The following VWF variants were observed in gnomAD, a reference collection of about 807,000 sequenced individuals.
The protein encoded by VWF is Factor VIII related antigen.
A neutral mutation model predicts 308.6 loss-of-function variants in VWF; 176 were observed. The ratio of observed to expected loss-of-function variants is 0.57; its 90% CI spans 0.50 to 0.65. The LOEUF is 0.65. Ranked by LOEUF, VWF falls within the 30% of genes least tolerant of loss-of-function variation. VWF has a pLI of 0.00. For missense variants in VWF, 3,146 were observed against 3,648.2 expected (o/e 0.86, Z 3.55); for synonymous variants, 1,385 against 1,443.4 (o/e 0.96, Z 0.92).
chr12:6,092,618 A>AGTGTGTGTGTGT lies in VWF; in HGVS notation c.657+2830_657+2841dup, dbSNP rs752209524. 1.6e-3 allele frequency among the ~76,000 whole-genome samples: 108 copies of AGTGTGTGTGTGT among 66,194 alleles called. 1 individual carries two copies. The highest frequency in any genetic ancestry group is 2.2e-3 in the Non-Finnish European group (75 of 34,664). 43.4% of individuals were successfully genotyped at this position (66,194 alleles called of 152,430 possible). On this transcript the variant is annotated intron_variant, in intron 6 of 51. Transcript: ENST00000261405. ...CCCAGCTAGTTAGTGAGTGAGTGAG[A>AGTGTGTGTGTGT]GTGTGTGTGTGTGTGTGTGTGTGTG...
intron 16 of VWF, among the ~76,000 whole-genome samples, chr12:6,048,270 C>T (rs1191446047): frequency 1.3e-5 from 2 of 152,134 alleles, no homozygotes; most frequent in African/African-American, 2.4e-5. Context: ...CTGGTTCAAG[C>T]GATTCTCCTG....
intron 2 of VWF, among the ~76,000 whole-genome samples, chr12:6,121,803 C>T (rs192689343): frequency 4.6e-4 from 69 of 151,312 alleles, no homozygotes; most frequent in African/African-American, 1.1e-3. Context: ...TAGTGGTGGG[C>T]GCCTGTAATC....
chr12:5,988,087 G>T (rs986648873), intron 38 of VWF, among the ~76,000 whole-genome samples: 1 of 152,200 alleles, frequency 6.6e-6, no homozygotes, highest in African/African-American at 2.4e-5. Context: ...TCTCACAAGG[G>T]TGCACCTATG....
chr12:6,023,735 T>C lies in VWF; in HGVS notation c.3275A>G (p.Glu1092Gly), dbSNP rs1169504012. The C allele has an allele frequency of 1.9e-6, 3 of 1,613,618 alleles. No individual in the cohort carries two copies. The Admixed American group carries it at 5.0e-5, about 27-fold the overall frequency. ...DVCIYDTCSCESIGDCACFCD... is the reference protein window; with the variant it reads ...DVCIYDTCSCGSIGDCACFCD... ...GAAGCAGGCGCAGTCCCCAATGGAC[T>C]CACAGGAGCAGGTGTCGTAAATGCA... The change falls in exon 25 of 52, where the codon GAG becomes GGG. Residue 1092 changes from glutamate to glycine, a missense_variant. This residue lies in a region of VWF where 853 missense variants were observed against 1,177.8 expected (regional missense o/e 0.72). Transcript: ENST00000261405.
chr12:6,107,125 C>T (rs1271722151), intron 5 of VWF, among the ~76,000 whole-genome samples: 3 of 152,030 alleles, frequency 2.0e-5, no homozygotes, highest in East Asian at 3.9e-4. Context: ...TAACCTCTCA[C>T]GGACCATGTT....
chr12:6,067,625 G>T (rs754281956), intron 10 of VWF, among the ~76,000 whole-genome samples: 1 of 152,148 alleles, frequency 6.6e-6, no homozygotes, highest in Non-Finnish European at 1.5e-5. Flanking sequence ...CCAGGTAGCC[G>T]TTAGCCACGG....
chr12:5,995,475 A>G (rs1037975698), intron 35 of VWF, among the ~76,000 whole-genome samples: 2 of 152,180 alleles, frequency 1.3e-5, no homozygotes, highest in African/African-American at 4.8e-5. Flanking sequence ...AATATTTATG[A>G]TTTCTACACG....
rs773845923 is a variant in VWF, at chr12:6,075,576, C to T, written c.658-25G>A. 15 of 1,603,112 alleles carry T rather than the reference C, an allele frequency of 9.4e-6. No homozygotes were observed. The highest frequency in any genetic ancestry group is 5.2e-5 in the Admixed American group (3 of 58,138). On this transcript the variant is annotated intron_variant, in intron 6 of 51. Transcript: ENST00000261405. The surrounding 1 kb of genome is among the most constrained non-coding windows in gnomAD (Gnocchi z 4.7). ...CCTGCAGGAAGAGGGGCCGCCTCAG[C>T]GGTATGCTCCGTTAGTGTCTCCCTG...
Position 6,023,933 on chromosome 12 carries a change from G to C in VWF, c.3223-146C>G, listed in dbSNP as rs113832970. The C allele has an allele frequency of 6.1e-4, 475 of 784,856 alleles. 2 individuals are homozygous for C. Among genetic ancestry groups the C allele is most frequent in the African/African-American group, 4.9e-3 (279 of 56,604 alleles). The allele number at this position is 784,856 out of a possible 1,614,324, so 48.6% of individuals were successfully genotyped here. A position where few individuals can be genotyped will look rare whatever the true frequency, so the allele number is the denominator to read the frequency against. ...AAATGTAGCTCAATGGTCTCAAAGA[G>C]GGAATGAGTGGGAAGGCAAGATTCT... On this transcript the variant is annotated intron_variant, in intron 24 of 51. Transcript: ENST00000261405.
At chr12:6,035,114 A>G (rs1944321050) in intron 19 of VWF, among the ~76,000 whole-genome samples, 1 of 152,166 alleles carries the variant, frequency 6.6e-6, no homozygotes, top group Non-Finnish European at 1.5e-5. Flanking sequence ...GGAGGCCCGG[A>G]TGCTCTTTAG....
At chr12:5,994,641 T>C in intron 35 of VWF, 34 bp from the exon 36 acceptor site, 1 of 1,605,644 alleles carries the variant, frequency 6.2e-7, no homozygotes, top group Non-Finnish European at 8.5e-7. Flanking sequence ...TCCGTAGTCC[T>C]AGCAATGAGG....
intron 5 of VWF, among the ~76,000 whole-genome samples, chr12:6,108,548 C>G (rs1945269683): frequency 1.4e-5 from 2 of 146,720 alleles, no homozygotes; most frequent in Admixed American, 1.4e-4. Context: ...CTGCACCAAT[C>G]AGAGAATACA....
chr12:6,070,626 A>G (rs1452045120), intron 10 of VWF, among the ~76,000 whole-genome samples: 1 of 152,250 alleles, frequency 6.6e-6, no homozygotes, highest in Non-Finnish European at 1.5e-5. Flanking sequence ...CAGCACATAG[A>G]AAACACCACG....
At chr12:6,045,608 C>T (rs1944439292) in intron 17 of VWF, among the ~76,000 whole-genome samples, 1 of 152,182 alleles carries the variant, frequency 6.6e-6, no homozygotes, top group South Asian at 2.1e-4. Flanking sequence ...CGGGATCTTG[C>T]CCCAGCTCTA....
intron 49 of VWF, chr12:5,952,127 TA>T: frequency 1.6e-6 from 1 of 641,470 alleles, no homozygotes; most frequent in Non-Finnish European, 2.7e-6. Context: ...CCAGGGAGAC[TA>T]AAAATCAGTT....
chr12:5,966,623 G>A (rs1943408034), intron 47 of VWF, among the ~76,000 whole-genome samples: 1 of 139,086 alleles, frequency 7.2e-6, no homozygotes, highest in Admixed American at 8.1e-5. Context: ...TGTGCTGCCT[G>A]CTTATAAGAG....
At chr12:6,044,029 T>G (rs775181439) in intron 18 of VWF, among the ~76,000 whole-genome samples, 3 of 152,158 alleles carry the variant, frequency 2.0e-5, no homozygotes, top group Non-Finnish European at 4.4e-5. Flanking sequence ...CCTATGGCAC[T>G]CCTGTAAGCT....
intron 37 of VWF, among the ~76,000 whole-genome samples, chr12:5,992,747 C>T (rs1943759680): frequency 6.6e-6 from 1 of 152,202 alleles, no homozygotes; most frequent in African/African-American, 2.4e-5. Context: ...CTCACATCCT[C>T]AAGGCACCAA....
intron 44 of VWF, among the ~76,000 whole-genome samples, chr12:5,970,220 T>C (rs1405008816): frequency 1.3e-5 from 2 of 152,180 alleles, no homozygotes; most frequent in Non-Finnish European, 2.9e-5. Flanking sequence ...TCACTGAGCC[T>C]TGGCCACTGG....
Sources: gnomAD v4.1 joint callset for allele counts (sites outside exome capture counted in the v4.1 genomes callset) on GRCh38, gnomAD v4.1.1 for gene constraint, gnomAD v4.1.1 regional missense constraint, Gnocchi (gnomAD v3.1) non-coding constraint, MANE v1.5 for transcripts, NCBI Gene and HGNC (gene_info 2026-07-23, HGNC 2026-07-21) for gene names.